The following SNTG1 variants were observed in gnomAD, a reference collection of about 807,000 sequenced individuals.
SNTG1 encodes the protein gamma-1-syntrophin.
In SNTG1, 39 loss-of-function variants were observed where a neutral mutation model predicts 74.7. The ratio of observed to expected loss-of-function variants is 0.52; its 90% CI spans 0.40 to 0.68. The LOEUF (loss-of-function observed/expected upper bound fraction) is 0.68. Among genes scored for constraint, SNTG1 ranks in the 30% least tolerant of loss-of-function variants. The pLI, the probability that SNTG1 is intolerant of heterozygous loss-of-function variation, is 0.00. For synonymous variants in SNTG1, 254 were observed against 217.1 expected (o/e 1.17, Z -1.49); for missense variants, 685 against 609.5 (o/e 1.12, Z -1.30).
chr8:50,657,061 T>C, intron 14 of SNTG1, 36 bp downstream of exon 14: 1 of 1,283,614 alleles, frequency 7.8e-7, no homozygotes, highest in Non-Finnish European at 1.1e-6. Flanking sequence ...GTCGTTTCCA[T>C]ATTATCACAA....
intron 2 of SNTG1, among the ~76,000 whole-genome samples, chr8:50,244,635 C>T (rs950643162): frequency 6.6e-6 from 1 of 152,148 alleles, no homozygotes; most frequent in Non-Finnish European, 1.5e-5. Context: ...TAAAATTTAG[C>T]TGTTCTGAAC....
chr8:50,298,984 TTTTAAATGCC>T (rs1329695265), intron 2 of SNTG1, among the ~76,000 whole-genome samples: 2 of 152,178 alleles, frequency 1.3e-5, no homozygotes, highest in Non-Finnish European at 1.5e-5. Context: ...TTCACGTTGT[TTTTAAATGCC>T]TTTGTTTGAA....
At chr8:49,961,257 G>A (rs1056780239) in intron 1 of SNTG1, among the ~76,000 whole-genome samples, 3 of 152,152 alleles carry the variant, frequency 2.0e-5, no homozygotes, top group African/African-American at 7.2e-5. Context: ...ATCATATGCA[G>A]CAATGCTACT....
intron 1 of SNTG1, among the ~76,000 whole-genome samples, chr8:49,923,292 T>A (rs1040189914): frequency 6.6e-6 from 1 of 152,272 alleles, no homozygotes; most frequent in Non-Finnish European, 1.5e-5. Context: ...CTTCAAATCT[T>A]ACCCAATCTT....
At chr8:50,476,050 A>G (rs1191317731) in intron 8 of SNTG1, among the ~76,000 whole-genome samples, 1 of 150,112 alleles carries the variant, frequency 6.7e-6, no homozygotes, top group Non-Finnish European at 1.5e-5. Flanking sequence ...GCATATCCAG[A>G]TTGTATACAC....
Position 50,371,163 on chromosome 8 carries a change from G to A in SNTG1, c.-27-23049G>A, listed in dbSNP as rs138843233. Among the ~76,000 whole-genome samples, 22 of 152,192 alleles carry A rather than the reference G, an allele frequency of 1.4e-4. No homozygotes were observed. The East Asian group carries it at 4.1e-3, about 28-fold the overall frequency. ...TATTTTCTTTTGAGAATCAGCTATTGGCCTACTACTGGATCTCAGAAAAGA... is the reference window on the plus strand; with the variant it reads ...TATTTTCTTTTGAGAATCAGCTATTAGCCTACTACTGGATCTCAGAAAAGA... On this transcript the variant is annotated intron_variant, in intron 2 of 18. Coordinates refer to ENST00000642720, the MANE Select transcript of SNTG1 (RefSeq NM_018967.5).
chr8:50,701,586 C>CTCTTCT lies in SNTG1; in HGVS notation c.1039-2987_1039-2982dup, dbSNP rs5891382. 4.7e-3 allele frequency among the ~76,000 whole-genome samples: 685 copies of CTCTTCT among 145,304 alleles called. 4 individuals carry two copies. Among genetic ancestry groups the CTCTTCT allele is most frequent in the Admixed American group, 8.4e-3 (124 of 14,786 alleles). ...ATTGTGATATAATACCTTTTTCTTC[C>CTCTTCT]TCTTCTTCTTCTTCTTCTTCTTCTT... is the stretch of plus-strand genomic sequence containing the variant. On this transcript the variant is annotated intron_variant, in intron 15 of 18. Transcript: ENST00000642720.
chr8:49,981,139 G>T (rs1278880921), intron 1 of SNTG1, among the ~76,000 whole-genome samples: 2 of 152,226 alleles, frequency 1.3e-5, no homozygotes, highest in Admixed American at 6.5e-5. Flanking sequence ...GTATTAATCT[G>T]GGGAGAAGGA....
At chr8:50,501,843 A>G (rs1292601887) in intron 8 of SNTG1, among the ~76,000 whole-genome samples, 1 of 151,962 alleles carries the variant, frequency 6.6e-6, no homozygotes, top group African/African-American at 2.4e-5. Flanking sequence ...CAAGTTTTCT[A>G]TGTATTTAAC....
In SNTG1 at chr8:50,738,943, G is replaced by T. The variant is rs149393893; in HGVS notation, c.1285-13058G>T. On this transcript the variant is annotated intron_variant, in intron 17 of 18. Transcript: ENST00000642720. ...TGGATTAAAGACTTAAACATAAGAC[G>T]TAAAACCATAAAAACCCTAGAAGAA... Among the ~76,000 whole-genome samples the T allele has an allele frequency of 5.9e-5, 9 of 151,782 alleles. No individual in the cohort carries two copies. In the East Asian group the frequency reaches 1.6e-3, roughly 26 times the overall value.
intron 1 of SNTG1, among the ~76,000 whole-genome samples, chr8:50,162,359 G>C (rs897617671): frequency 6.6e-6 from 1 of 151,850 alleles, no homozygotes; most frequent in South Asian, 2.1e-4. Context: ...TCAGGAGATG[G>C]AGACCACCCT....
chr8:50,723,709 G>C (rs888763004), intron 17 of SNTG1, among the ~76,000 whole-genome samples: 3 of 152,040 alleles, frequency 2.0e-5, no homozygotes, highest in African/African-American at 7.2e-5. Context: ...CTTCAACAGT[G>C]GGTCAGTTAG....
At position 50,463,626 on chromosome 8, in the gene SNTG1, A is replaced by G. The variant is rs141675017; in HGVS notation, c.363+12897A>G. 7.0e-3 allele frequency among the ~76,000 whole-genome samples: 1,069 copies of G among 152,304 alleles called. 12 individuals are homozygous for G. Among genetic ancestry groups the G allele is most frequent in the African/African-American group, 0.024 (1,014 of 41,570 alleles). On this transcript the variant is annotated intron_variant, in intron 8 of 18. Transcript: ENST00000642720. ...ATTTAGTAAACTATGCTGTAAACAGATGTCCTGTCATCTAGGCTTTGTTAT... is the reference window on the plus strand; with the variant it reads ...ATTTAGTAAACTATGCTGTAAACAGGTGTCCTGTCATCTAGGCTTTGTTAT...
chr8:50,645,211 T>G (rs1437518950), intron 13 of SNTG1, among the ~76,000 whole-genome samples: 3 of 84,650 alleles, frequency 3.5e-5, no homozygotes, highest in Admixed American at 1.3e-4. Context: ...TTATATATGT[T>G]AACAGTTAAA....
chr8:50,028,417 A>G (rs187303273), intron 1 of SNTG1, among the ~76,000 whole-genome samples: 1 of 152,130 alleles, frequency 6.6e-6, no homozygotes, highest in Non-Finnish European at 1.5e-5. Flanking sequence ...GCTATTATGA[A>G]TAATTGTGTA....
chr8:49,939,239 G>T (rs940581589), intron 1 of SNTG1, among the ~76,000 whole-genome samples: 2 of 152,044 alleles, frequency 1.3e-5, no homozygotes, highest in Admixed American at 1.3e-4. Flanking sequence ...GTTCTAATGG[G>T]TATAAATTCA....
At chr8:49,970,784 T>A (rs559266232) in intron 1 of SNTG1, among the ~76,000 whole-genome samples, 1 of 152,120 alleles carries the variant, frequency 6.6e-6, no homozygotes, top group South Asian at 2.1e-4. Flanking sequence ...CCTTGAAGAG[T>A]TGGCAGCTCT....
At chr8:50,606,828 C>T (rs1379349345) in intron 13 of SNTG1, among the ~76,000 whole-genome samples, 1 of 150,972 alleles carries the variant, frequency 6.6e-6, no homozygotes, top group East Asian at 1.9e-4. Context: ...AATAAATATA[C>T]TGTGCCTTAT....
At chr8:50,610,300 C>A (rs1273767925) in intron 13 of SNTG1, among the ~76,000 whole-genome samples, 1 of 152,146 alleles carries the variant, frequency 6.6e-6, no homozygotes, top group East Asian at 1.9e-4. Flanking sequence ...ACATCTTACA[C>A]CCATAGGATT....
Sources: gnomAD v4.1 joint callset for allele counts (sites outside exome capture counted in the v4.1 genomes callset) on GRCh38, gnomAD v4.1.1 for gene constraint, MANE v1.5 for transcripts, NCBI Gene and HGNC (gene_info 2026-07-23, HGNC 2026-07-21) for gene names.